Variants in NXPH1 observed in about 807,000 individuals in gnomAD.
NXPH1 encodes neurexophilin 1, also known as neurexophilin-1.
A neutral mutation model predicts 23.7 loss-of-function variants in NXPH1; 5 were observed. The ratio of observed to expected loss-of-function variants is 0.21; its 90% CI spans 0.11 to 0.44. The LOEUF is 0.44. Among genes scored for constraint, NXPH1 ranks in the 20% least tolerant of loss-of-function variants. The pLI is 0.99. For synonymous variants in NXPH1, 144 were observed against 122.2 expected (o/e 1.18, Z -1.18); for missense variants, 324 against 321.6 (o/e 1.01, Z -0.06).
chr7:8,630,558 C>T (rs17152947), intron 2 of NXPH1, among the ~76,000 whole-genome samples: 3,794 of 152,116 alleles, frequency 0.025, 154 homozygotes, highest in African/African-American at 0.086. Flanking sequence ...CAAGCATATA[C>T]GTAATAAAAT....
At chr7:8,624,274 G>A (rs1368177239) in intron 2 of NXPH1, among the ~76,000 whole-genome samples, 4 of 152,058 alleles carry the variant, frequency 2.6e-5, no homozygotes, top group Non-Finnish European at 5.9e-5. Flanking sequence ...AAGTTTGAGG[G>A]AGAGAATGTA....
intron 2 of NXPH1, among the ~76,000 whole-genome samples, chr7:8,715,212 T>C (rs1319131185): frequency 6.6e-6 from 1 of 152,202 alleles, no homozygotes; most frequent in Non-Finnish European, 1.5e-5. Flanking sequence ...TTGGCAGCAC[T>C]GTGTTCCAAT....
chr7:8,453,273 A>T (rs926319585), intron 2 of NXPH1, among the ~76,000 whole-genome samples: 30 of 152,286 alleles, frequency 2.0e-4, no homozygotes, highest in Non-Finnish European at 3.5e-4. Flanking sequence ...TTGACATGCG[A>T]TCTTGCCTTC....
chr7:8,641,044 C>G (rs368110892), intron 2 of NXPH1, among the ~76,000 whole-genome samples: 13 of 152,108 alleles, frequency 8.5e-5, no homozygotes, highest in East Asian at 7.7e-4. Flanking sequence ...GAAGCTGTAG[C>G]ATTTTAATTG....
chr7:8,461,552 C>T (rs1016146282), intron 2 of NXPH1, among the ~76,000 whole-genome samples: 4 of 152,090 alleles, frequency 2.6e-5, no homozygotes, highest in African/African-American at 9.7e-5. Flanking sequence ...AACACACGGC[C>T]GGGCGCGGTG....
intron 2 of NXPH1, among the ~76,000 whole-genome samples, chr7:8,573,518 G>A (rs1261105097): frequency 6.6e-6 from 1 of 152,078 alleles, no homozygotes; most frequent in Non-Finnish European, 1.5e-5. Flanking sequence ...GTATGTATTT[G>A]GCAACAAGGA....
chr7:8,615,506 A>G (rs939252062), intron 2 of NXPH1, among the ~76,000 whole-genome samples: 1 of 152,048 alleles, frequency 6.6e-6, no homozygotes, highest in South Asian at 2.1e-4. Flanking sequence ...CTCAGATGGG[A>G]GGGCATAATC....
At position 8,735,190 on chromosome 7, in the gene NXPH1, T is replaced by G. The variant is rs926469774; in HGVS notation, c.55-15818T>G. ...CTTCCAATACTATGTTGAATAGGAG[T>G]GGTGAGTGAGGGCATCCTTGTCTTG... On this transcript the variant is annotated intron_variant, in intron 2 of 2. Transcript: ENST00000405863. Among the ~76,000 whole-genome samples, 3 of 152,006 alleles carry G rather than the reference T, an allele frequency of 2.0e-5. No homozygotes were observed. The South Asian group carries it at 6.2e-4, about 31-fold the overall frequency.
intron 2 of NXPH1, among the ~76,000 whole-genome samples, chr7:8,586,757 T>C (rs1818989331): frequency 1.3e-5 from 2 of 152,110 alleles, no homozygotes; most frequent in African/African-American, 4.8e-5. Context: ...CCAGTTGGAA[T>C]AGCTCTAAGA....
intron 2 of NXPH1, among the ~76,000 whole-genome samples, chr7:8,508,252 A>T (rs1327425845): frequency 6.6e-6 from 1 of 152,130 alleles, no homozygotes; most frequent in Non-Finnish European, 1.5e-5. Context: ...TTTCAACCCA[A>T]CAGACGGTCT....
At chr7:8,682,387 C>T (rs1821069828) in intron 2 of NXPH1, among the ~76,000 whole-genome samples, 1 of 152,170 alleles carries the variant, frequency 6.6e-6, no homozygotes, top group Non-Finnish European at 1.5e-5. Flanking sequence ...TGATACACAG[C>T]TGATTTGGGC....
intron 2 of NXPH1, among the ~76,000 whole-genome samples, chr7:8,656,139 T>TGG (rs575319937): frequency 5.7e-4 from 86 of 152,208 alleles, no homozygotes; most frequent in Non-Finnish European, 1.0e-3. Flanking sequence ...GTTTACATCT[T>TGG]GGTTGCTGCA....
chr7:8,577,115 A>G (rs1322317177), intron 2 of NXPH1, among the ~76,000 whole-genome samples: 1 of 152,204 alleles, frequency 6.6e-6, no homozygotes, highest in African/African-American at 2.4e-5. Context: ...AAAAGCTCAA[A>G]TCCTCCCTGT....
chr7:8,573,720 A>G (rs769179836), intron 2 of NXPH1, among the ~76,000 whole-genome samples: 1 of 152,172 alleles, frequency 6.6e-6, no homozygotes, highest in African/African-American at 2.4e-5. Context: ...ACTTTCTTCC[A>G]GTTAATTATA....
chr7:8,616,095 C>G (rs1819730160), intron 2 of NXPH1, among the ~76,000 whole-genome samples: 1 of 152,026 alleles, frequency 6.6e-6, no homozygotes, highest in African/African-American at 2.4e-5. Context: ...CAGAATAAAT[C>G]TCGTAGTTCT....
At chr7:8,569,850 G>A (rs761582054) in intron 2 of NXPH1, among the ~76,000 whole-genome samples, 3 of 151,832 alleles carry the variant, frequency 2.0e-5, no homozygotes, top group Non-Finnish European at 2.9e-5. Flanking sequence ...GGATACCTAC[G>A]GTATTACTTT....
At chr7:8,478,099 T>G (rs971814882) in intron 2 of NXPH1, among the ~76,000 whole-genome samples, 2 of 152,100 alleles carry the variant, frequency 1.3e-5, no homozygotes, top group African/African-American at 4.8e-5. Flanking sequence ...CAGTTGGAGA[T>G]TTCTCTGAGA....
intron 2 of NXPH1, among the ~76,000 whole-genome samples, chr7:8,517,351 CATGTGGAGGACAT>C (rs951600830): frequency 3.2e-4 from 48 of 152,004 alleles, no homozygotes; most frequent in African/African-American, 9.7e-4. Context: ...GGATTGTAGG[CATGTGGAGGACAT>C]ATGTGGAGGA....
intron 2 of NXPH1, among the ~76,000 whole-genome samples, chr7:8,493,027 A>G (rs533005453): frequency 1.3e-5 from 2 of 152,142 alleles, no homozygotes; most frequent in East Asian, 3.9e-4. Flanking sequence ...AACCTTCCTG[A>G]TTCATCCACG....
Sources: gnomAD v4.1 joint callset for allele counts (sites outside exome capture counted in the v4.1 genomes callset) on GRCh38, gnomAD v4.1.1 for gene constraint, MANE v1.5 for transcripts, NCBI Gene and HGNC (gene_info 2026-07-23, HGNC 2026-07-21) for gene names.